The following MDFIC variants were observed in gnomAD, a reference collection of about 807,000 sequenced individuals.
The protein encoded by MDFIC is myoD family inhibitor domain-containing protein.
MDFIC carries 17 observed loss-of-function variants against 23.2 expected under a neutral mutation model. The ratio of observed to expected loss-of-function variants is 0.73; its 90% CI spans 0.50 to 1.10. MDFIC has a LOEUF of 1.10. MDFIC is among the 50% of genes least tolerant of loss of function. The probability of loss-of-function intolerance (pLI) is 0.00; values close to 1 mark genes in which losing one functional copy is unlikely to be tolerated. For synonymous variants in MDFIC, 120 were observed against 115.2 expected (o/e 1.04, Z -0.27); for missense variants, 356 against 316.6 (o/e 1.12, Z -0.95).
chr7:114,935,977 T>C (rs1792417018), intron 2 of MDFIC, among the ~76,000 whole-genome samples: 2 of 152,152 alleles, frequency 1.3e-5, no homozygotes, highest in Admixed American at 1.3e-4. Flanking sequence ...GTAATAATAA[T>C]TGCCAGTGTG....
At chr7:114,956,373 A>G (rs1378403848) in intron 3 of MDFIC, among the ~76,000 whole-genome samples, 1 of 151,744 alleles carries the variant, frequency 6.6e-6, no homozygotes, top group East Asian at 1.9e-4. Flanking sequence ...ATATATATAC[A>G]CACACACATA....
At chr7:115,009,097 G>T (rs148735331) in intron 4 of MDFIC, among the ~76,000 whole-genome samples, 1 of 152,130 alleles carries the variant, frequency 6.6e-6, no homozygotes, top group Non-Finnish European at 1.5e-5. Context: ...CATATTATTG[G>T]CCTGTTAAAT....
chr7:114,937,727 G>A (rs1005726218), intron 2 of MDFIC, among the ~76,000 whole-genome samples: 4 of 152,120 alleles, frequency 2.6e-5, no homozygotes, highest in African/African-American at 2.4e-5. Flanking sequence ...CAGGGACCTC[G>A]CCTTTTTCCT....
chr7:115,004,514 T>C (rs745526660), intron 4 of MDFIC, among the ~76,000 whole-genome samples: 1 of 152,264 alleles, frequency 6.6e-6, no homozygotes, highest in Non-Finnish European at 1.5e-5. Flanking sequence ...ACCAGCACGA[T>C]GTGTTTGTCC....
At chr7:114,939,832 A>G (rs1240554173) in intron 2 of MDFIC, among the ~76,000 whole-genome samples, 1 of 152,234 alleles carries the variant, frequency 6.6e-6, no homozygotes, top group Non-Finnish European at 1.5e-5. Flanking sequence ...TCAAAATTAT[A>G]TAATTAATTT....
chr7:115,000,351 G>A (rs1791437342), intron 4 of MDFIC, among the ~76,000 whole-genome samples: 1 of 152,072 alleles, frequency 6.6e-6, no homozygotes, highest in African/African-American at 2.4e-5. Flanking sequence ...TTCATACGAG[G>A]AAATCACCTA....
intron 2 of MDFIC, among the ~76,000 whole-genome samples, chr7:114,932,253 T>A (rs1792323454): frequency 6.6e-6 from 1 of 152,224 alleles, no homozygotes; most frequent in Non-Finnish European, 1.5e-5. Flanking sequence ...ACATATTTGA[T>A]CTTGGTGTTA....
rs1791790160 is a variant in MDFIC, at chr7:115,016,125, T to G, written c.*190T>G. The G allele has an allele frequency of 1.8e-6, 1 of 567,970 alleles. No homozygotes were observed. Among genetic ancestry groups the G allele is most frequent in the Admixed American group, 3.6e-5 (1 of 27,588 alleles). 35.2% of individuals were successfully genotyped at this position (567,970 alleles called of 1,614,324 possible). On this transcript the variant is annotated 3_prime_UTR_variant, in exon 5 of 5. Coordinates refer to ENST00000393486, the MANE Select transcript of MDFIC (RefSeq NM_001166345.3). ...ATGGTTTAATATGTGAAATTTTAACTACTTTAACTAGTTTTATAAATTTCT... is the reference window on the plus strand; with the variant it reads ...ATGGTTTAATATGTGAAATTTTAACGACTTTAACTAGTTTTATAAATTTCT...
chr7:114,994,903 A>G (rs1320128974), intron 4 of MDFIC, among the ~76,000 whole-genome samples: 2 of 152,108 alleles, frequency 1.3e-5, no homozygotes, highest in Non-Finnish European at 2.9e-5. Context: ...CTGCCTTGCT[A>G]GGTTGGGGAT....
At chr7:114,999,222 T>C (rs1353769537) in intron 4 of MDFIC, among the ~76,000 whole-genome samples, 3 of 152,214 alleles carry the variant, frequency 2.0e-5, no homozygotes, top group African/African-American at 7.2e-5. Context: ...AATAGTGTAA[T>C]ACTTTTTCAG....
chr7:114,979,813 A>G (rs1184571466), intron 4 of MDFIC, 32 bp downstream of exon 4: 1 of 1,596,216 alleles, frequency 6.3e-7, no homozygotes, highest in African/African-American at 1.3e-5. Flanking sequence ...ATTTTATTTG[A>G]CCAGATGTAA....
In MDFIC at chr7:115,019,551, T is replaced by A. The variant is rs1791861817; in HGVS notation, c.*3616T>A. The stretch of plus-strand genomic sequence containing the variant: ...ATAAGTATCTTGCCTTCTTGAATGC[T>A]AGTTAAATGCTTAGATTTACCTAAC... On this transcript the variant is annotated 3_prime_UTR_variant, in exon 5 of 5. Transcript: ENST00000393486. 6.6e-6 allele frequency among the ~76,000 whole-genome samples: 1 copy of A among 152,148 alleles called. No individual in the cohort carries two copies. The highest frequency in any genetic ancestry group is 2.4e-5 in the African/African-American group (1 of 41,452).
At chr7:115,012,839 C>G (rs1296915339) in intron 4 of MDFIC, among the ~76,000 whole-genome samples, 1 of 151,974 alleles carries the variant, frequency 6.6e-6, no homozygotes, top group South Asian at 2.1e-4. Flanking sequence ...ATTAACCAGG[C>G]ATGGTGGCCG....
chr7:114,994,708 C>T (rs577549730), intron 4 of MDFIC, among the ~76,000 whole-genome samples: 96 of 152,272 alleles, frequency 6.3e-4, no homozygotes, highest in Non-Finnish European at 8.1e-4. Context: ...AAAGTTTCTG[C>T]GGAGAGATCA....
intron 3 of MDFIC, among the ~76,000 whole-genome samples, chr7:114,951,744 A>C (rs979899902): frequency 2.0e-5 from 3 of 152,286 alleles, no homozygotes; most frequent in Admixed American, 6.5e-5. Flanking sequence ...ATATGGCAAA[A>C]TATCAGGGTG....
At chr7:114,961,586 G>A (rs180837681) in intron 3 of MDFIC, among the ~76,000 whole-genome samples, 1 of 152,270 alleles carries the variant, frequency 6.6e-6, no homozygotes, top group Admixed American at 6.5e-5. Flanking sequence ...AAGAGGTATA[G>A]TTTTCTCATG....
chr7:114,962,800 C>T (rs1177020255), intron 3 of MDFIC, among the ~76,000 whole-genome samples: 1 of 152,170 alleles, frequency 6.6e-6, no homozygotes, highest in Non-Finnish European at 1.5e-5. Context: ...TTTCTAAAAT[C>T]TGAGCAGATT....
At chr7:114,936,197 G>A (rs1792420819) in intron 2 of MDFIC, among the ~76,000 whole-genome samples, 1 of 152,148 alleles carries the variant, frequency 6.6e-6, no homozygotes, top group African/African-American at 2.4e-5. Context: ...CTCTAGTGCA[G>A]AGTAAAACTT....
At chr7:114,947,071 T>C (rs1352769999) in intron 3 of MDFIC, among the ~76,000 whole-genome samples, 3 of 152,202 alleles carry the variant, frequency 2.0e-5, no homozygotes, top group Non-Finnish European at 2.9e-5. Flanking sequence ...TCTCATTTGA[T>C]GGCACATTTC....
Sources: gnomAD v4.1 joint callset for allele counts (sites outside exome capture counted in the v4.1 genomes callset) on GRCh38, gnomAD v4.1.1 for gene constraint, MANE v1.5 for transcripts, NCBI Gene and HGNC (gene_info 2026-07-23, HGNC 2026-07-21) for gene names.